The following PALM2AKAP2 variants were observed in gnomAD, a reference collection of about 807,000 sequenced individuals.
The protein encoded by PALM2AKAP2 is PALM2-AKAP2 fusion protein.
In PALM2AKAP2, 37 loss-of-function variants were observed where a neutral mutation model predicts 71.5. The ratio of observed to expected loss-of-function variants is 0.52; its 90% CI spans 0.40 to 0.68. PALM2AKAP2 has a LOEUF of 0.68. Among genes scored for constraint, PALM2AKAP2 ranks in the 30% least tolerant of loss-of-function variants. PALM2AKAP2 has a pLI of 0.00. For synonymous variants in PALM2AKAP2, 468 were observed against 478.8 expected (o/e 0.98, Z 0.29); for missense variants, 1,224 against 1,191.8 (o/e 1.03, Z -0.40).
At chr9:109,782,385 G>A (rs1826827993) in intron 1 of PALM2AKAP2, among the ~76,000 whole-genome samples, 1 of 152,046 alleles carries the variant, frequency 6.6e-6, no homozygotes, top group Non-Finnish European at 1.5e-5. Context: ...CCCTATTCAT[G>A]GGTTCCATAT....
At chr9:109,880,820 GT>G in intron 3 of PALM2AKAP2, 139 bp downstream of exon 3, 1 of 1,306,252 alleles carries the variant, frequency 7.7e-7, no homozygotes, top group Non-Finnish European at 1.0e-6. Flanking sequence ...GCACATTGAT[GT>G]TGTTTAAACT....
chr9:109,906,454 C>G (rs1830448128), intron 3 of PALM2AKAP2, among the ~76,000 whole-genome samples: 1 of 152,220 alleles, frequency 6.6e-6, no homozygotes, highest in South Asian at 2.1e-4. Context: ...CTGCCTCAGC[C>G]TCCCAAAGTG....
At chr9:110,108,607 A>G (rs1277824524) in intron 1 of PALM2AKAP2, among the ~76,000 whole-genome samples, 1 of 152,060 alleles carries the variant, frequency 6.6e-6, no homozygotes, top group East Asian at 1.9e-4. Context: ...CTGTTTCCTA[A>G]TTAGCCTCAT....
intron 1 of PALM2AKAP2, among the ~76,000 whole-genome samples, chr9:109,781,380 T>C (rs966241276): frequency 7.2e-5 from 11 of 152,212 alleles, no homozygotes; most frequent in African/African-American, 2.7e-4. Flanking sequence ...TGATTACTGC[T>C]GCCGTATGAA....
At chr9:109,725,055 G>A (rs1828456472) in intron 1 of PALM2AKAP2, among the ~76,000 whole-genome samples, 1 of 151,904 alleles carries the variant, frequency 6.6e-6, no homozygotes, top group Admixed American at 6.6e-5. Flanking sequence ...AATGCAAATG[G>A]CCAATAAACA....
intron 1 of PALM2AKAP2, among the ~76,000 whole-genome samples, chr9:109,707,749 T>C (rs1828165707): frequency 6.6e-6 from 1 of 152,200 alleles, no homozygotes; most frequent in South Asian, 2.1e-4. Context: ...AGAATCCTGT[T>C]TGATACAGTC....
At chr9:109,689,200 C>CTTTTTTT (rs200092612) in intron 1 of PALM2AKAP2, among the ~76,000 whole-genome samples, 1 of 134,150 alleles carries the variant, frequency 7.5e-6, no homozygotes, top group East Asian at 2.1e-4. Flanking sequence ...TTTTTCTTTT[C>CTTTTTTT]TTTTTTTTTT....
chr9:109,648,613 G>T (rs1827184418), intron 1 of PALM2AKAP2, among the ~76,000 whole-genome samples: 1 of 152,144 alleles, frequency 6.6e-6, no homozygotes. Context: ...TTCTGACTTG[G>T]TAAGTTTGGA....
intron 2 of PALM2AKAP2, among the ~76,000 whole-genome samples, chr9:110,142,523 T>G (rs1836059926): frequency 6.6e-6 from 1 of 152,212 alleles, no homozygotes. Context: ...GAAACAACAT[T>G]AAACAAATGA....
chr9:110,078,351 G>GTATT (rs1293313674), intron 1 of PALM2AKAP2, among the ~76,000 whole-genome samples: 1 of 152,140 alleles, frequency 6.6e-6, no homozygotes, highest in East Asian at 1.9e-4. Flanking sequence ...CATGTAGTAG[G>GTATT]TATTTGGTCA....
intron 6 of PALM2AKAP2, among the ~76,000 whole-genome samples, chr9:109,979,335 A>C (rs1588042303): frequency 6.6e-6 from 1 of 152,098 alleles, no homozygotes; most frequent in East Asian, 1.9e-4. Context: ...AGGGTGGAGG[A>C]AGAACGCAAG....
chr9:110,119,181 A>G (rs1214974244), intron 1 of PALM2AKAP2, among the ~76,000 whole-genome samples: 1 of 151,986 alleles, frequency 6.6e-6, no homozygotes. Flanking sequence ...CGTCTCTACT[A>G]AAAATACAAA....
At chr9:110,164,350 A>G (rs1424344544) in intron 3 of PALM2AKAP2, among the ~76,000 whole-genome samples, 1 of 152,202 alleles carries the variant, frequency 6.6e-6, no homozygotes, top group African/African-American at 2.4e-5. Flanking sequence ...TCATATGTCC[A>G]AATTAAAATT....
At chr9:110,087,960 G>A (rs756067677) in intron 1 of PALM2AKAP2, among the ~76,000 whole-genome samples, 3 of 152,188 alleles carry the variant, frequency 2.0e-5, no homozygotes, top group Non-Finnish European at 2.9e-5. Context: ...TGAGACAACA[G>A]CATTTGTATT....
chr9:109,967,156 G>A (rs1831965134), intron 6 of PALM2AKAP2, among the ~76,000 whole-genome samples: 1 of 152,150 alleles, frequency 6.6e-6, no homozygotes, highest in Non-Finnish European at 1.5e-5. Context: ...CGTGTCCGGT[G>A]GTAGATGCTG....
intron 1 of PALM2AKAP2, among the ~76,000 whole-genome samples, chr9:110,135,164 A>AAAAAAAAAATATATATAT: frequency 7.7e-5 from 4 of 51,734 alleles, no homozygotes; most frequent in South Asian, 7.4e-4. Context: ...AAAAAAAAAA[A>AAAAAAAAAATATATATAT]ATATATAAAT....
intron 1 of PALM2AKAP2, among the ~76,000 whole-genome samples, chr9:110,127,473 A>C (rs1217489546): frequency 6.6e-6 from 1 of 152,096 alleles, no homozygotes; most frequent in Non-Finnish European, 1.5e-5. Flanking sequence ...GGCCGGAAGA[A>C]GCTCTGCTCG....
At chr9:109,720,983 T>C (rs1197782773) in intron 1 of PALM2AKAP2, among the ~76,000 whole-genome samples, 1 of 152,212 alleles carries the variant, frequency 6.6e-6, no homozygotes, top group Non-Finnish European at 1.5e-5. Context: ...TAGAGCTTGC[T>C]CTCCAAGAGG....
intron 2 of PALM2AKAP2, among the ~76,000 whole-genome samples, chr9:110,142,068 C>CT (rs994621645): frequency 0.067 from 8,197 of 121,736 alleles, 504 homozygotes; most frequent in African/African-American, 0.12. Flanking sequence ...TCTTATTTTA[C>CT]TTTTTTTTTT....
Sources: gnomAD v4.1 joint callset for allele counts (sites outside exome capture counted in the v4.1 genomes callset) on GRCh38, gnomAD v4.1.1 for gene constraint, MANE v1.5 for transcripts, NCBI Gene and HGNC (gene_info 2026-07-23, HGNC 2026-07-21) for gene names.